Variants in FOXN3 observed in about 807,000 individuals in gnomAD.
FOXN3 encodes forkhead box protein N3.
Under a neutral mutation model 38.4 loss-of-function variants are expected in FOXN3, and 7 were observed. The ratio of observed to expected loss-of-function variants is 0.18; its 90% confidence interval spans 0.10 to 0.34. The LOEUF (loss-of-function observed/expected upper bound fraction) is 0.34, where lower values mean the gene tolerates loss of function less well. Among genes scored for constraint, FOXN3 ranks in the 10% least tolerant of loss-of-function variants. FOXN3 has a pLI of 1.00. For missense variants in FOXN3, 456 were observed against 613.4 expected (o/e 0.74, Z 2.71); for synonymous variants, 230 against 242.2 (o/e 0.95, Z 0.47).
chr14:89,363,862 T>C (rs1209208694), intron 2 of FOXN3, among the ~76,000 whole-genome samples: 1 of 150,586 alleles, frequency 6.6e-6, no homozygotes, highest in African/African-American at 2.5e-5. Flanking sequence ...GAGGACTGCT[T>C]GAGCCTAGGA....
At chr14:89,521,233 C>T (rs1234170058) in intron 1 of FOXN3, among the ~76,000 whole-genome samples, 1 of 151,934 alleles carries the variant, frequency 6.6e-6, no homozygotes. Context: ...TCGCCTGAAC[C>T]AGGGAGTCAG....
At chr14:89,273,321 C>A (rs766511682) in intron 4 of FOXN3, among the ~76,000 whole-genome samples, 14 of 152,224 alleles carry the variant, frequency 9.2e-5, no homozygotes, top group Non-Finnish European at 1.6e-4. Context: ...AGGGACCTGG[C>A]CTGGAGGAAG....
At chr14:89,368,204 C>A (rs141392375) in intron 2 of FOXN3, among the ~76,000 whole-genome samples, 23,526 of 151,856 alleles carry the variant, frequency 0.15, 2,236 homozygotes, top group South Asian at 0.39. Flanking sequence ...GTGGCACATG[C>A]CTACAATCCC....
In FOXN3 at chr14:89,291,644, C is replaced by T. The variant is rs79978313; in HGVS notation, c.681-10630G>A. On this transcript the variant is annotated intron_variant, in intron 3 of 5. Transcript: ENST00000557258. Reference sequence around the variant, plus strand: ...GTCTTTGGCAATGCAAATCTGTGGCCGGCCACTCATGCTCTCTTCCTGTGG... The same window carrying T: ...GTCTTTGGCAATGCAAATCTGTGGCTGGCCACTCATGCTCTCTTCCTGTGG... 942 of 472,584 alleles carry T rather than the reference C, an allele frequency of 2.0e-3. 13 individuals carry two copies. Among genetic ancestry groups the T allele is most frequent in the African/African-American group, 0.017 (848 of 50,724 alleles). 29.3% of individuals were successfully genotyped at this position (472,584 alleles called of 1,614,324 possible).
At chr14:89,380,803 G>C (rs1036261345) in intron 2 of FOXN3, among the ~76,000 whole-genome samples, 3 of 152,162 alleles carry the variant, frequency 2.0e-5, no homozygotes, top group African/African-American at 7.2e-5. Context: ...GGCAAAACCA[G>C]TCCTGAGATG....
chr14:89,234,982 T>G (rs1166736706), intron 4 of FOXN3, among the ~76,000 whole-genome samples: 1 of 152,208 alleles, frequency 6.6e-6, no homozygotes, highest in Non-Finnish European at 1.5e-5. Context: ...TGAAGTCACC[T>G]GCCTCTGACC....
chr14:89,545,758 G>A (rs981335882), intron 1 of FOXN3, among the ~76,000 whole-genome samples: 4 of 152,152 alleles, frequency 2.6e-5, no homozygotes, highest in African/African-American at 9.7e-5. Context: ...AGCTTGTGAA[G>A]GTAACTGATC....
intron 4 of FOXN3, among the ~76,000 whole-genome samples, chr14:89,226,427 C>G (rs1375721856): frequency 6.6e-6 from 1 of 152,022 alleles, no homozygotes; most frequent in African/African-American, 2.4e-5. Flanking sequence ...GGTCTCACAC[C>G]ACCACGCCCA....
chr14:89,372,034 T>C (rs1890333344), intron 2 of FOXN3, among the ~76,000 whole-genome samples: 1 of 151,962 alleles, frequency 6.6e-6, no homozygotes, highest in South Asian at 2.1e-4. Context: ...CTCCCCACAG[T>C]TTCTTCTTTC....
At chr14:89,487,919 A>G (rs1893482529) in intron 1 of FOXN3, among the ~76,000 whole-genome samples, 1 of 152,112 alleles carries the variant, frequency 6.6e-6, no homozygotes. Context: ...AATTTTAACA[A>G]CAACAAAAAC....
At chr14:89,441,219 C>T (rs533099219) in intron 1 of FOXN3, among the ~76,000 whole-genome samples, 1 of 152,204 alleles carries the variant, frequency 6.6e-6, no homozygotes, top group Non-Finnish European at 1.5e-5. Context: ...TTCAGAATAA[C>T]AACAACAACT....
At chr14:89,481,927 T>G (rs1893339813) in intron 1 of FOXN3, among the ~76,000 whole-genome samples, 1 of 152,160 alleles carries the variant, frequency 6.6e-6, no homozygotes, top group South Asian at 2.1e-4. Flanking sequence ...TTATATGGGG[T>G]AAACTGGCGT....
chr14:89,251,504 C>T (rs1281434159), intron 4 of FOXN3, among the ~76,000 whole-genome samples: 1 of 152,202 alleles, frequency 6.6e-6, no homozygotes, highest in Non-Finnish European at 1.5e-5. Flanking sequence ...GTTAACCAAT[C>T]AAGAGCAACT....
intron 2 of FOXN3, among the ~76,000 whole-genome samples, chr14:89,379,103 G>C (rs1216688119): frequency 6.6e-6 from 1 of 152,200 alleles, no homozygotes; most frequent in African/African-American, 2.4e-5. Context: ...TGATACCCTG[G>C]CTGGCTTTCT....
rs12435163 is a variant in FOXN3 at position 89,498,888 on chromosome 14, T to C, written c.-14-86398A>G. 4.8e-3 allele frequency among the ~76,000 whole-genome samples: 734 copies of C among 152,256 alleles called. 8 individuals are homozygous for C. Among genetic ancestry groups the C allele is most frequent in the African/African-American group, 0.017 (700 of 41,526 alleles). On this transcript the variant is annotated intron_variant, in intron 1 of 6. Coordinates refer to the FOXN3 transcript ENST00000345097. ...AACTCACAAGTCAATGATTGGACGC[T>C]TTGCGATGAAAAGCTTTTCAAAATG...
intron 3 of FOXN3, among the ~76,000 whole-genome samples, chr14:89,302,516 C>T (rs759660906): frequency 2.0e-5 from 3 of 152,132 alleles, no homozygotes; most frequent in Non-Finnish European, 4.4e-5. Context: ...TTAAACATAA[C>T]CCGAAAAACC....
At position 89,159,239 on chromosome 14, in the gene FOXN3, T is replaced by G. The variant is rs142374784; in HGVS notation, c.*3175A>C. On this transcript the variant is annotated 3_prime_UTR_variant, in exon 6 of 6. Transcript: ENST00000557258. ...CAGCCACATACACATTGATACTTTT[T>G]GTTTTTGTTCTCAACAATCAAAATA... The G allele has an allele frequency of 5.3e-4, 81 of 152,790 alleles. No individual in the cohort carries two copies. Among genetic ancestry groups the G allele is most frequent in the Non-Finnish European group, 1.0e-3 (68 of 68,040 alleles). The allele number at this position is 152,790 out of a possible 1,614,324, so 9.5% of individuals were successfully genotyped here. A position where few individuals can be genotyped will look rare whatever the true frequency, so the allele number is the denominator to read the frequency against.
At chr14:89,194,107 T>G (rs1035340746) in intron 4 of FOXN3, among the ~76,000 whole-genome samples, 2 of 151,518 alleles carry the variant, frequency 1.3e-5, no homozygotes, top group African/African-American at 2.4e-5. Flanking sequence ...AGATACATGG[T>G]TTTTTTTTCT....
upstream of FOXN3, chr14:89,419,122 T>C (rs10136170): frequency 0.087 from 39,578 of 456,016 alleles, 2,193 homozygotes; most frequent in South Asian, 0.17. Context: ...CTTCTTGCAT[T>C]CTCAAACATA....
Sources: gnomAD v4.1 joint callset for allele counts (sites outside exome capture counted in the v4.1 genomes callset) on GRCh38, gnomAD v4.1.1 for gene constraint, MANE v1.5 for transcripts, NCBI Gene and HGNC (gene_info 2026-07-23, HGNC 2026-07-21) for gene names.